CSE1L: variants seen among roughly 807,000 people sequenced by gnomAD.
CSE1L encodes exportin-2.
CSE1L carries 24 observed loss-of-function variants against 120.4 expected under a neutral mutation model. The observed-to-expected ratio is 0.20, with a 90% CI of 0.14 to 0.28. CSE1L has a LOEUF of 0.28. CSE1L is among the 10% of genes least tolerant of loss of function. The pLI is 1.00. For missense variants in CSE1L, 830 were observed against 1,145.2 expected, an observed-to-expected ratio of 0.72 and a Z score of 3.97; for synonymous variants, 402 against 398.3, an observed-to-expected ratio of 1.01 and a Z score of -0.11.
chr20:49,087,431 C>T (rs926865588), intron 16 of CSE1L, among the ~76,000 whole-genome samples: 3 of 147,782 alleles, frequency 2.0e-5, no homozygotes, highest in Non-Finnish European at 3.0e-5. Context: ...GATCTTGGCT[C>T]ACTGCAACCT....
chr20:49,076,887 T>A (rs1038007635), intron 12 of CSE1L, 93 bp from the exon 13 acceptor site: 6 of 739,216 alleles, frequency 8.1e-6, no homozygotes, highest in Non-Finnish European at 1.3e-5. Context: ...CATCTCCATT[T>A]TAACATGGTT....
chr20:49,089,480 C>CT, intron 18 of CSE1L, 58 bp from the exon 19 acceptor site: 1 of 1,602,312 alleles, frequency 6.2e-7, no homozygotes, highest in South Asian at 1.1e-5. Context: ...CGATGTGGGC[C>CT]TTTTGTGTCA....
At chr20:49,068,568 C>T in intron 6 of CSE1L, 147 bp from the exon 7 acceptor site, 1 of 549,122 alleles carries the variant, frequency 1.8e-6, no homozygotes, top group Non-Finnish European at 3.2e-6. Context: ...CACTGCGCTC[C>T]AGCCTGGACG....
At chr20:49,065,586 ATTTTTTTTTTT>A (rs1169151375) in intron 3 of CSE1L, among the ~76,000 whole-genome samples, 2 of 76,352 alleles carry the variant, frequency 2.6e-5, no homozygotes, top group East Asian at 3.9e-4. Context: ...TAAAATGGAA[ATTTTTTTTTTT>A]TTTTTTTTTT....
intron 1 of CSE1L, among the ~76,000 whole-genome samples, chr20:49,055,768 A>G (rs928832850): frequency 1.3e-5 from 2 of 152,136 alleles, no homozygotes; most frequent in Admixed American, 6.5e-5. Flanking sequence ...TATAATAGAT[A>G]TGTGATTGTA....
intron 8 of CSE1L, among the ~76,000 whole-genome samples, chr20:49,070,774 A>G (rs2091926048): frequency 6.6e-6 from 1 of 152,078 alleles, no homozygotes; most frequent in African/African-American, 2.4e-5. Context: ...CACTACAAAA[A>G]ATAAAAATAA....
intron 1 of CSE1L, among the ~76,000 whole-genome samples, chr20:49,048,146 CTTT>C (rs34878925): frequency 6.2e-5 from 8 of 128,714 alleles, no homozygotes; most frequent in Admixed American, 1.6e-4. Flanking sequence ...GTGTCTCTCT[CTTT>C]TTTTTTTTTT....
intron 24 of CSE1L, 64 bp from the exon 25 acceptor site, chr20:49,096,285 G>C: frequency 7.8e-7 from 1 of 1,276,012 alleles, no homozygotes; most frequent in Non-Finnish European, 1.1e-6. Context: ...TCCCGTAGAA[G>C]ATGGGGTTTG....
At chr20:49,051,070 T>C (rs1454403651) in intron 1 of CSE1L, among the ~76,000 whole-genome samples, 1 of 152,224 alleles carries the variant, frequency 6.6e-6, no homozygotes, top group African/African-American at 2.4e-5. Flanking sequence ...AAGTCCCTAC[T>C]ATCAGTGGAG....
Position 49,089,311 on chromosome 20 carries a change from C to T in CSE1L, c.1886C>T (p.Thr629Ile), listed in dbSNP as rs2092083535. The change falls in exon 18 of 25, where the codon ACT (threonine) becomes ATT (isoleucine). Residue 629 changes from threonine (T) to isoleucine (I), a missense_variant. Thr to Ile is a moderately conservative substitution (Grantham distance 89). This residue lies in a region of CSE1L where 168 missense variants were observed against 267.9 expected (regional missense o/e 0.63). Coordinates refer to ENST00000262982, the MANE Select transcript of CSE1L (RefSeq NM_001316.4). ...FEAICLSIRI[T>I]CKANPAAVVN... ...GCAATATGTTTATCCATAAGAATAACTTGCAAAGCTAACCCTGCTGCTGTT... is the reference window on the plus strand; with the variant it reads ...GCAATATGTTTATCCATAAGAATAATTTGCAAAGCTAACCCTGCTGCTGTT... 2 of 1,612,618 alleles carry T rather than the reference C, an allele frequency of 1.2e-6. No individual in the cohort carries two copies. Among genetic ancestry groups the T allele is most frequent in the Non-Finnish European group, 1.7e-6 (2 of 1,179,574 alleles).
chr20:49,068,867 T>G, intron 7 of CSE1L, 45 bp downstream of exon 7: 1 of 1,280,794 alleles, frequency 7.8e-7, no homozygotes, highest in Non-Finnish European at 1.1e-6. Context: ...CTCTTTGATT[T>G]TAAATAGAGT....
rs151259983 is a variant in CSE1L, at chr20:49,055,568, T to C, written c.-11-2885T>C. Reference sequence around the variant, plus strand: ...CCCATCTCTACAAAAAATACAAAAATTAGCCAGGCATGGTTGATTGCGCCT... The same window carrying C: ...CCCATCTCTACAAAAAATACAAAAACTAGCCAGGCATGGTTGATTGCGCCT... On this transcript the variant is annotated intron_variant, in intron 1 of 24. Coordinates refer to ENST00000262982, the MANE Select transcript of CSE1L (RefSeq NM_001316.4). 3.0e-3 allele frequency among the ~76,000 whole-genome samples: 463 copies of C among 152,142 alleles called. 5 individuals are homozygous for C. The highest frequency in any genetic ancestry group is 0.023 in the Admixed American group (345 of 15,258).
intron 5 of CSE1L, 37 bp downstream of exon 5, chr20:49,066,547 C>G (rs1056114675): frequency 6.4e-7 from 1 of 1,555,604 alleles, no homozygotes; most frequent in Admixed American, 1.9e-5. Flanking sequence ...AAAATACTTT[C>G]TAAAGTTTTA....
At chr20:49,055,001 T>C (rs6019618) in intron 1 of CSE1L, among the ~76,000 whole-genome samples, 54,951 of 152,172 alleles carry the variant, frequency 0.36, 10,757 homozygotes, top group African/African-American at 0.53. Flanking sequence ...CCCTTCTTAA[T>C]TTTCTAACGT....
intron 19 of CSE1L, among the ~76,000 whole-genome samples, 200 bp downstream of exon 19, chr20:49,089,946 A>G (rs755230541): frequency 3.3e-5 from 5 of 151,944 alleles, no homozygotes; most frequent in South Asian, 2.1e-4. Flanking sequence ...GGTGAGATCT[A>G]TCTCTACAAA....
At chr20:49,061,492 T>C (rs2091852971) in intron 2 of CSE1L, among the ~76,000 whole-genome samples, 1 of 144,754 alleles carries the variant, frequency 6.9e-6, no homozygotes, top group Admixed American at 6.9e-5. Context: ...TATTATTATT[T>C]ATTTATTTAT....
At chr20:49,083,918 A>G (rs2092032969) in intron 14 of CSE1L, 108 bp from the exon 15 acceptor site, 1 of 1,210,824 alleles carries the variant, frequency 8.3e-7, no homozygotes, top group African/African-American at 1.5e-5. Context: ...AACAGAGCTT[A>G]AAAATAGCAA....
intron 16 of CSE1L, among the ~76,000 whole-genome samples, chr20:49,086,175 T>C (rs2092055545): frequency 6.6e-6 from 1 of 152,116 alleles, no homozygotes; most frequent in African/African-American, 2.4e-5. Flanking sequence ...TCAGTGTTTT[T>C]CACTGTTGCA....
At chr20:49,051,231 A>C (rs2091763953) in intron 1 of CSE1L, among the ~76,000 whole-genome samples, 1 of 152,212 alleles carries the variant, frequency 6.6e-6, no homozygotes, top group South Asian at 2.1e-4. Flanking sequence ...GGCATCTCTG[A>C]AAAAAAGATG....
Sources: gnomAD v4.1 joint callset for allele counts (sites outside exome capture counted in the v4.1 genomes callset) on GRCh38, gnomAD v4.1.1 for gene constraint, gnomAD v4.1.1 regional missense constraint, MANE v1.5 for transcripts, NCBI Gene and HGNC (gene_info 2026-07-23, HGNC 2026-07-21) for gene names.